KDM4C: variants seen among roughly 807,000 people sequenced by gnomAD.
KDM4C encodes the protein lysine-specific demethylase 4C.
In KDM4C, 81 loss-of-function variants were observed where a neutral mutation model predicts 129.3. The observed-to-expected ratio is 0.63, with a 90% CI of 0.52 to 0.75. KDM4C has a LOEUF of 0.75. Ranked by LOEUF, KDM4C falls within the 30% of genes least tolerant of loss-of-function variation. KDM4C has a pLI of 0.00. For synonymous variants in KDM4C, 573 were observed against 456.1 expected (o/e 1.26, Z -3.26); for missense variants, 1,457 against 1,304.0 (o/e 1.12, Z -1.81).
At chr9:6,963,816 T>C (rs192382919) in intron 8 of KDM4C, among the ~76,000 whole-genome samples, 1 of 152,326 alleles carries the variant, frequency 6.6e-6, no homozygotes, top group African/African-American at 2.4e-5. Context: ...GTTTTTCTAC[T>C]TGATGGTGTT....
chr9:6,823,150 C>G (rs1434088713), intron 4 of KDM4C, among the ~76,000 whole-genome samples: 1 of 152,216 alleles, frequency 6.6e-6, no homozygotes, highest in Non-Finnish European at 1.5e-5. Context: ...TGTGTGTATT[C>G]AAGTCGTCTT....
At chr9:7,127,001 C>T (rs1840087332) in intron 18 of KDM4C, among the ~76,000 whole-genome samples, 1 of 152,052 alleles carries the variant, frequency 6.6e-6, no homozygotes, top group Non-Finnish European at 1.5e-5. Flanking sequence ...AATTCATCAG[C>T]CCATAATGAC....
intron 5 of KDM4C, among the ~76,000 whole-genome samples, chr9:6,862,754 C>T (rs1030122263): frequency 1.1e-4 from 17 of 152,088 alleles, no homozygotes; most frequent in African/African-American, 3.9e-4. Context: ...ATGCAGTGAG[C>T]CGAGATCACG....
intron 6 of KDM4C, among the ~76,000 whole-genome samples, chr9:6,887,085 C>T (rs556992445): frequency 6.6e-6 from 1 of 152,322 alleles, no homozygotes; most frequent in East Asian, 1.9e-4. Context: ...CTTCTCTCTT[C>T]CTTTTGTGTT....
chr9:6,939,015 A>T (rs1825339929), intron 8 of KDM4C, among the ~76,000 whole-genome samples: 1 of 151,816 alleles, frequency 6.6e-6, no homozygotes, highest in African/African-American at 2.4e-5. Flanking sequence ...GATTGTAAAC[A>T]TTCCTTAAAG....
chr9:7,067,523 G>A (rs535701492), intron 17 of KDM4C, among the ~76,000 whole-genome samples: 1 of 152,190 alleles, frequency 6.6e-6, no homozygotes, highest in Non-Finnish European at 1.5e-5. Context: ...CATACAAGGT[G>A]CAGGGCAACT....
intron 17 of KDM4C, among the ~76,000 whole-genome samples, chr9:7,081,669 A>C (rs1221807165): frequency 6.6e-6 from 1 of 152,208 alleles, no homozygotes; most frequent in African/African-American, 2.4e-5. Flanking sequence ...ACGAGCCCAG[A>C]GCCTACAGGG....
chr9:6,767,048 A>G (rs535355980), intron 1 of KDM4C, among the ~76,000 whole-genome samples: 2 of 152,270 alleles, frequency 1.3e-5, no homozygotes, highest in South Asian at 4.1e-4. Flanking sequence ...GAATGGTCAC[A>G]GGCATCCCTT....
intron 1 of KDM4C, among the ~76,000 whole-genome samples, chr9:6,738,175 T>G (rs201218653): frequency 1.9e-5 from 2 of 107,956 alleles, no homozygotes; most frequent in South Asian, 6.1e-4. Context: ...TAAACTAAAC[T>G]AAACTAAAAA....
intron 17 of KDM4C, among the ~76,000 whole-genome samples, chr9:7,098,492 C>A (rs879669003): frequency 6.6e-6 from 1 of 152,202 alleles, no homozygotes; most frequent in Admixed American, 6.5e-5. Flanking sequence ...GGAAGAGAGA[C>A]AGAGGACTTA....
chr9:7,006,289 A>G (rs1686724557), intron 12 of KDM4C, among the ~76,000 whole-genome samples: 1 of 152,166 alleles, frequency 6.6e-6, no homozygotes, highest in Admixed American at 6.5e-5. Flanking sequence ...CTGTGCTTCA[A>G]ATTAATGGGG....
chr9:6,930,563 A>G (rs928736644), intron 8 of KDM4C, among the ~76,000 whole-genome samples: 1 of 148,740 alleles, frequency 6.7e-6, no homozygotes, highest in African/African-American at 2.4e-5. Flanking sequence ...AGTATGTTAT[A>G]TATGTTATCT....
chr9:7,052,512 T>A (rs1830282873), intron 17 of KDM4C, among the ~76,000 whole-genome samples: 1 of 152,190 alleles, frequency 6.6e-6, no homozygotes, highest in African/African-American at 2.4e-5. Flanking sequence ...CTCCTTTAAA[T>A]GTAACAGATC....
intron 5 of KDM4C, among the ~76,000 whole-genome samples, chr9:6,864,417 C>T (rs1459789237): frequency 6.6e-6 from 1 of 152,160 alleles, no homozygotes; most frequent in East Asian, 1.9e-4. Flanking sequence ...CTTTTCTCTT[C>T]CTGTTTTTAA....
chr9:6,923,964 T>C (rs887200542), intron 8 of KDM4C, among the ~76,000 whole-genome samples: 1 of 152,222 alleles, frequency 6.6e-6, no homozygotes, highest in African/African-American at 2.4e-5. Flanking sequence ...ATGGGATTCT[T>C]CTTTCCCTCC....
intron 8 of KDM4C, among the ~76,000 whole-genome samples, chr9:6,916,104 A>C (rs1820261900): frequency 6.6e-6 from 1 of 152,206 alleles, no homozygotes; most frequent in South Asian, 2.1e-4. Flanking sequence ...GAGAGTCAGC[A>C]ACCTGAGTAA....
intron 1 of KDM4C, among the ~76,000 whole-genome samples, chr9:6,785,125 G>A (rs1173375404): frequency 6.6e-6 from 1 of 152,188 alleles, no homozygotes; most frequent in Non-Finnish European, 1.5e-5. Flanking sequence ...CGTCTATCCT[G>A]TCACAGTTCT....
chr9:6,840,136 A>G (rs1159222036), intron 4 of KDM4C, among the ~76,000 whole-genome samples: 2 of 144,640 alleles, frequency 1.4e-5, no homozygotes, highest in South Asian at 2.3e-4. Context: ...GCAGTGCCAC[A>G]ATCATGGCTC....
chr9:6,875,894 C>T (rs1843472102), intron 5 of KDM4C, among the ~76,000 whole-genome samples: 2 of 152,152 alleles, frequency 1.3e-5, no homozygotes, highest in South Asian at 2.1e-4. Context: ...TTACTAGCAG[C>T]ACATCTATTA....
Sources: gnomAD v4.1 joint callset for allele counts (sites outside exome capture counted in the v4.1 genomes callset) on GRCh38, gnomAD v4.1.1 for gene constraint, MANE v1.5 for transcripts, NCBI Gene and HGNC (gene_info 2026-07-23, HGNC 2026-07-21) for gene names.